Variants in PTK2B observed in about 807,000 individuals in gnomAD.
The protein encoded by PTK2B is protein tyrosine kinase 2 beta.
A neutral mutation model predicts 142.9 loss-of-function variants in PTK2B; 71 were observed. That is an observed-to-expected ratio of 0.50 (90% confidence interval 0.41 to 0.61). PTK2B has a LOEUF of 0.61. PTK2B is among the 20% of genes least tolerant of loss of function. The probability of loss-of-function intolerance (pLI) is 0.00; values close to 1 mark genes in which losing one functional copy is unlikely to be tolerated. For missense variants in PTK2B, 1,105 were observed against 1,320.4 expected (o/e 0.84, Z 2.53); for synonymous variants, 519 against 503.4 (o/e 1.03, Z -0.42).
At chr8:27,448,015 G>A (rs557857551) in intron 24 of PTK2B, among the ~76,000 whole-genome samples, 72 of 152,372 alleles carry the variant, frequency 4.7e-4, no homozygotes, top group East Asian at 1.9e-4. Context: ...ACACTTACCT[G>A]TAATGCAAGC....
At chr8:27,450,637 C>T in intron 24 of PTK2B, 112 bp from the exon 25 acceptor site, 1 of 1,346,980 alleles carries the variant, frequency 7.4e-7, no homozygotes. Context: ...AAAAAAGCAG[C>T]TGGCCAGGCC....
intron 1 of PTK2B, among the ~76,000 whole-genome samples, chr8:27,347,035 C>A (rs1371475609): frequency 1.3e-5 from 2 of 152,148 alleles, no homozygotes; most frequent in Non-Finnish European, 2.9e-5. Context: ...GATGTCGTGC[C>A]TTTCTGGCTC....
At chr8:27,381,674 G>A (rs1025520197) in intron 1 of PTK2B, among the ~76,000 whole-genome samples, 5 of 152,228 alleles carry the variant, frequency 3.3e-5, no homozygotes, top group South Asian at 4.1e-4. Context: ...CCTAGTAGTG[G>A]GATTGCTAGA....
chr8:27,396,316 A>G (rs1488358225), intron 1 of PTK2B: 1 of 152,204 alleles, frequency 6.6e-6, no homozygotes, highest in African/African-American at 2.4e-5. Flanking sequence ...GTGTGACTCC[A>G]TGTTCGTGTT....
intron 1 of PTK2B, among the ~76,000 whole-genome samples, chr8:27,343,554 A>G (rs1431354444): frequency 1.3e-5 from 2 of 152,212 alleles, no homozygotes; most frequent in South Asian, 2.1e-4. Flanking sequence ...GTCTAATGAC[A>G]TATCACCCCG....
intron 1 of PTK2B, among the ~76,000 whole-genome samples, chr8:27,333,986 TC>T (rs756585494): frequency 1.0e-3 from 156 of 152,062 alleles, no homozygotes; most frequent in South Asian, 2.5e-3. Context: ...CCTCCTGGCT[TC>T]TCTCCTCTTC....
intron 23 of PTK2B, 105 bp from the exon 24 acceptor site, chr8:27,445,689 C>G (rs1478974761): frequency 2.6e-6 from 4 of 1,513,486 alleles, no homozygotes; most frequent in Non-Finnish European, 3.6e-6. Context: ...GCCCCATTCC[C>G]TGTGGTGCTC....
At chr8:27,451,557 G>A in intron 27 of PTK2B, 48 bp downstream of exon 27, 3 of 1,613,520 alleles carry the variant, frequency 1.9e-6, no homozygotes, top group Non-Finnish European at 2.5e-6. Flanking sequence ...GGCACCTTGT[G>A]CAGAGCCACC....
intron 2 of PTK2B, among the ~76,000 whole-genome samples, chr8:27,403,919 CCTT>C (rs1406911616): frequency 2.6e-5 from 4 of 151,260 alleles, no homozygotes; most frequent in Non-Finnish European, 2.9e-5. Flanking sequence ...TCTTCTTTCT[CCTT>C]CTCCTTCTCT....
intron 1 of PTK2B, among the ~76,000 whole-genome samples, chr8:27,382,348 G>C (rs1355141297): frequency 6.6e-6 from 1 of 152,044 alleles, no homozygotes; most frequent in African/African-American, 2.4e-5. Flanking sequence ...ATGTATCCTG[G>C]ATATCAGTCC....
chr8:27,346,086 GAGA>G (rs1365498460), intron 1 of PTK2B, among the ~76,000 whole-genome samples: 4 of 152,186 alleles, frequency 2.6e-5, no homozygotes, highest in African/African-American at 9.7e-5. Context: ...TGAAGTTAAG[GAGA>G]AGCTGATTCA....
chr8:27,385,186 G>A (rs1807272131), intron 1 of PTK2B, among the ~76,000 whole-genome samples: 1 of 152,172 alleles, frequency 6.6e-6, no homozygotes, highest in Admixed American at 6.5e-5. Context: ...GGCTCATTGT[G>A]CATGGAAAGT....
intron 27 of PTK2B, 94 bp downstream of exon 27, chr8:27,451,603 G>A (rs1811821314): frequency 1.9e-6 from 3 of 1,599,232 alleles, no homozygotes; most frequent in Non-Finnish European, 2.6e-6. Context: ...GAGCAGCGGA[G>A]TCTGTCTGCA....
At chr8:27,445,409 T>C (rs1017157134) in intron 23 of PTK2B, among the ~76,000 whole-genome samples, 1 of 152,192 alleles carries the variant, frequency 6.6e-6, no homozygotes, top group Non-Finnish European at 1.5e-5. Flanking sequence ...CAAGAGCCTA[T>C]CTGAATTTTT....
chr8:27,351,730 G>T (rs897120700), intron 1 of PTK2B, among the ~76,000 whole-genome samples: 1 of 152,058 alleles, frequency 6.6e-6, no homozygotes, highest in Non-Finnish European at 1.5e-5. Context: ...ATAAAACATA[G>T]ACTTATCTAT....
chr8:27,341,607 C>A (rs1804405312), intron 1 of PTK2B, among the ~76,000 whole-genome samples: 1 of 152,180 alleles, frequency 6.6e-6, no homozygotes, highest in Non-Finnish European at 1.5e-5. Context: ...TCCTTGGACT[C>A]ACTGCAGCCC....
At chr8:27,385,539 T>C (rs940012230) in intron 1 of PTK2B, among the ~76,000 whole-genome samples, 3 of 152,202 alleles carry the variant, frequency 2.0e-5, no homozygotes, top group Admixed American at 6.5e-5. Context: ...CTTCCTCATC[T>C]AGCTTGGTGG....
intron 1 of PTK2B, among the ~76,000 whole-genome samples, chr8:27,374,545 C>T (rs888798677): frequency 6.6e-6 from 1 of 152,210 alleles, no homozygotes; most frequent in Non-Finnish European, 1.5e-5. Context: ...AGGATTGGCT[C>T]ACGTGAATAA....
intron 2 of PTK2B, among the ~76,000 whole-genome samples, chr8:27,413,152 A>G (rs1809172462): frequency 1.3e-5 from 2 of 152,176 alleles, no homozygotes; most frequent in Admixed American, 6.5e-5. Flanking sequence ...GCAGGCATAC[A>G]TGCATACACA....
Sources: gnomAD v4.1 joint callset for allele counts (sites outside exome capture counted in the v4.1 genomes callset) on GRCh38, gnomAD v4.1.1 for gene constraint, MANE v1.5 for transcripts, NCBI Gene and HGNC (gene_info 2026-07-23, HGNC 2026-07-21) for gene names.